The following RYR3 variants were observed in gnomAD, a reference collection of about 807,000 sequenced individuals.
RYR3 encodes the protein ryanodine receptor 3.
RYR3 carries 207 observed loss-of-function variants against 584.3 expected under a neutral mutation model. That is an observed-to-expected ratio of 0.35 (90% confidence interval 0.32 to 0.40). The LOEUF (loss-of-function observed/expected upper bound fraction) is 0.40, where lower values mean the gene tolerates loss of function less well. RYR3 is among the 10% of genes least tolerant of loss of function. The pLI, the probability that RYR3 is intolerant of heterozygous loss-of-function variation, is 1.00. For missense variants in RYR3, 5,616 were observed against 6,089.2 expected, an observed-to-expected ratio of 0.92 and a Z score of 2.59; for synonymous variants, 2,416 against 2,248.5, an observed-to-expected ratio of 1.07 and a Z score of -2.11.
At chr15:33,522,066 C>T (rs147973828) in intron 3 of RYR3, among the ~76,000 whole-genome samples, 3,806 of 138,812 alleles carry the variant, frequency 0.027, 63 homozygotes, top group Non-Finnish European at 0.042. Context: ...CCAGCCTGGC[C>T]AATATGGCAA....
intron 14 of RYR3, 141 bp from the exon 15 acceptor site, chr15:33,584,254 T>C (rs2058732641): frequency 1.9e-6 from 1 of 535,870 alleles, no homozygotes; most frequent in Non-Finnish European, 3.3e-6. Context: ...GAAAGAATTG[T>C]GTCAAAGGGC....
chr15:33,781,683 C>G (rs932952279), intron 65 of RYR3, among the ~76,000 whole-genome samples: 2 of 152,150 alleles, frequency 1.3e-5, no homozygotes, highest in Non-Finnish European at 2.9e-5. Context: ...TAATAAAAAT[C>G]TTTCACTGAG....
chr15:33,830,520 T>TTGTAATGTTCACTTTAC (rs1237305709), intron 85 of RYR3, among the ~76,000 whole-genome samples: 10 of 152,370 alleles, frequency 6.6e-5, no homozygotes, highest in African/African-American at 2.4e-4. Context: ...ACTCACTTTA[T>TTGTAATGTTCACTTTAC]TGTAATGTTC....
intron 69 of RYR3, among the ~76,000 whole-genome samples, chr15:33,804,930 G>A (rs959618039): frequency 6.6e-5 from 10 of 152,300 alleles, no homozygotes; most frequent in South Asian, 2.1e-4. Flanking sequence ...ATGCCGTTGC[G>A]AATGGAAAGG....
intron 67 of RYR3, among the ~76,000 whole-genome samples, chr15:33,794,044 A>T (rs1487040308): frequency 4.3e-5 from 1 of 23,104 alleles, no homozygotes; most frequent in African/African-American, 1.4e-4. Flanking sequence ...ACATAAATAC[A>T]TATATATAAA....
chr15:33,807,705 CA>C (rs1387516541), intron 70 of RYR3, 136 bp downstream of exon 70: 8 of 843,396 alleles, frequency 9.5e-6, no homozygotes, highest in Non-Finnish European at 1.2e-5. Flanking sequence ...AGGCCTGCTC[CA>C]GGGAAGACAA....
At chr15:33,477,681 C>T (rs978231651) in intron 2 of RYR3, among the ~76,000 whole-genome samples, 2 of 151,010 alleles carry the variant, frequency 1.3e-5, no homozygotes, top group Non-Finnish European at 2.9e-5. Flanking sequence ...GGAGACCATC[C>T]TGGCTAACAC....
Position 33,395,851 on chromosome 15 carries a change from C to T in RYR3, c.52-77568C>T, listed in dbSNP as rs377173779. The stretch of plus-strand genomic sequence containing the variant: ...TGGTTCCAGGACCTCCCACAGATTC[C>T]AAGATCCATGGATGCTCAAGTCCTT... On this transcript the variant is annotated intron_variant, in intron 1 of 103. Transcript: ENST00000634891. Among the ~76,000 whole-genome samples the T allele has an allele frequency of 1.1e-4, 17 of 152,334 alleles. No individual in the cohort carries two copies. In the East Asian group the frequency reaches 2.3e-3, roughly 21 times the overall value.
intron 68 of RYR3, 51 bp from the exon 69 acceptor site, chr15:33,801,818 G>A (rs947595542): frequency 2.0e-6 from 2 of 976,950 alleles, no homozygotes; most frequent in Non-Finnish European, 1.6e-6. Flanking sequence ...CTTATTTTTG[G>A]TTTACAGAAC....
chr15:33,562,539 A>G (rs1339901640), intron 10 of RYR3, among the ~76,000 whole-genome samples: 1 of 150,038 alleles, frequency 6.7e-6, no homozygotes, highest in Non-Finnish European at 1.5e-5. Flanking sequence ...AAAGTAGAAA[A>G]TATAGTGAAG....
At chr15:33,597,806 TTAG>T (rs1452307723) in intron 16 of RYR3, among the ~76,000 whole-genome samples, 1 of 148,458 alleles carries the variant, frequency 6.7e-6, no homozygotes, top group South Asian at 2.2e-4. Context: ...TTATATATTG[TTAG>T]TAGTAAAACA....
In RYR3 at chr15:33,864,184, G is replaced by C; in HGVS notation, c.14512G>C (p.Gly4838Arg). The change falls in exon 103 of 104, where the codon GGT becomes CGT. Residue 4838 changes from glycine (G) to arginine (R), a missense_variant. Physicochemically the swap from Gly to Arg is moderately radical, Grantham distance 125. This residue lies in a region of RYR3 where 918 missense variants were observed against 887.4 expected (regional missense o/e 1.03). Coordinates refer to ENST00000634891, the MANE Select transcript of RYR3 (RefSeq NM_001036.6). ...LINKDETEHTGQESYVWKMYQ... is the reference protein window; with the variant it reads ...LINKDETEHTRQESYVWKMYQ... ...TAATAAAGATGAAACAGAGCACACG[G>C]GTCAGGTGAGAAATTAAGAATCATA... The C allele has an allele frequency of 6.2e-7, 1 of 1,610,444 alleles. No homozygotes were observed. The highest frequency in any genetic ancestry group is 8.5e-7 in the Non-Finnish European group (1 of 1,177,884).
chr15:33,503,822 C>T (rs1234231825), intron 3 of RYR3, 84 bp downstream of exon 3: 7 of 803,002 alleles, frequency 8.7e-6, no homozygotes, highest in African/African-American at 1.7e-5. Context: ...CAACTTTGAA[C>T]TGAAAAATTT....
At chr15:33,433,484 G>A (rs1383227943) in intron 1 of RYR3, among the ~76,000 whole-genome samples, 1 of 151,734 alleles carries the variant, frequency 6.6e-6, no homozygotes, top group Non-Finnish European at 1.5e-5. Context: ...TGACATAGAA[G>A]TAATGATACA....
intron 1 of RYR3, among the ~76,000 whole-genome samples, chr15:33,400,646 G>C (rs956670462): frequency 6.6e-6 from 1 of 152,170 alleles, no homozygotes; most frequent in Non-Finnish European, 1.5e-5. Context: ...AAAGCAACAC[G>C]GCAATTTTGT....
chr15:33,607,522 T>C (rs2059967577), intron 18 of RYR3, among the ~76,000 whole-genome samples: 1 of 152,178 alleles, frequency 6.6e-6, no homozygotes, highest in South Asian at 2.1e-4. Context: ...GAGGCTGCTC[T>C]TAGAAAAGCT....
chr15:33,780,348 A>G lies in RYR3; in HGVS notation c.9268+7A>G, dbSNP rs769290660. The stretch of plus-strand genomic sequence containing the variant: ...ACCCCCAGGGAGAGGTCTAGTAAGT[A>G]TCTCCCCTCAAAGGTCATCAACCCA... On this transcript the variant is annotated splice_region_variant and intron_variant, in intron 65 of 103. Coordinates refer to ENST00000634891, the MANE Select transcript of RYR3 (RefSeq NM_001036.6). 33 of 1,613,310 alleles carry G rather than the reference A, an allele frequency of 2.0e-5. No individual in the cohort carries two copies. Among genetic ancestry groups the G allele is most frequent in the Non-Finnish European group, 2.7e-5 (32 of 1,179,524 alleles).
intron 19 of RYR3, among the ~76,000 whole-genome samples, chr15:33,616,243 C>T (rs954368544): frequency 3.9e-5 from 6 of 152,214 alleles, no homozygotes; most frequent in African/African-American, 9.6e-5. Context: ...AACTTTTCCA[C>T]ATTTTGTGTT....
At chr15:33,659,658 C>T (rs960035728) in intron 32 of RYR3, 62 bp from the exon 33 acceptor site, 3 of 1,096,390 alleles carry the variant, frequency 2.7e-6, no homozygotes, top group Non-Finnish European at 4.2e-6. Flanking sequence ...CACCCAATGG[C>T]TGAGCCAGCT....
Sources: gnomAD v4.1 joint callset for allele counts (sites outside exome capture counted in the v4.1 genomes callset) on GRCh38, gnomAD v4.1.1 for gene constraint, gnomAD v4.1.1 regional missense constraint, MANE v1.5 for transcripts, NCBI Gene and HGNC (gene_info 2026-07-23, HGNC 2026-07-21) for gene names.